TRIM36: variants seen among roughly 807,000 people sequenced by gnomAD.
The protein encoded by TRIM36 is tripartite motif containing 36, also known as E3 ubiquitin-protein ligase TRIM36.
TRIM36 carries 42 observed loss-of-function variants against 72.4 expected under a neutral mutation model. That is an observed-to-expected ratio of 0.58 (90% confidence interval 0.45 to 0.75). The LOEUF is 0.75. Among genes scored for constraint, TRIM36 ranks in the 30% least tolerant of loss-of-function variants. The pLI is 0.00. For missense variants in TRIM36, 913 were observed against 857.1 expected, an observed-to-expected ratio of 1.07 and a Z score of -0.81; for synonymous variants, 315 against 282.8, an observed-to-expected ratio of 1.11 and a Z score of -1.14.
rs371262460 is a variant in TRIM36 at position 115,125,342 on chromosome 5, T to A, written c.*1161A>T. The stretch of plus-strand genomic sequence containing the variant: ...CACAATTTAGATAGAATGTAATTCC[T>A]CAAATTAAAAGATATTTTAAAGGGT... On this transcript the variant is annotated 3_prime_UTR_variant, in exon 10 of 10. Coordinates refer to ENST00000513154, the MANE Select transcript of TRIM36 (RefSeq NM_001300759.2). 1 of 152,142 alleles carries A rather than the reference T, an allele frequency of 6.6e-6. No homozygotes were observed. The highest frequency in any genetic ancestry group is 2.4e-5 in the African/African-American group (1 of 41,462). The allele number at this position is 152,142 out of a possible 1,614,324, so 9.4% of individuals were successfully genotyped here.
upstream of TRIM36, among the ~76,000 whole-genome samples, chr5:115,171,609 T>C (rs923360185): frequency 1.2e-4 from 18 of 152,198 alleles, no homozygotes; most frequent in Non-Finnish European, 1.9e-4. Context: ...CCAAAACTTA[T>C]TAGTTGACAC....
Position 115,130,623 on chromosome 5 carries a change from G to A in TRIM36, c.1765C>T (p.Leu589Phe). 1 of 1,614,168 alleles carries A rather than the reference G, an allele frequency of 6.2e-7. No homozygotes were observed. The highest frequency in any genetic ancestry group is 8.5e-7 in the Non-Finnish European group (1 of 1,180,016). Reference sequence around the variant, plus strand: ...CTAACTGCATCCCGGGGAGAACGGAGCCATTCTTGTAGTTTATCGCTAGAA... The same window carrying A: ...CTAACTGCATCCCGGGGAGAACGGAACCATTCTTGTAGTTTATCGCTAGAA... ...VASSDKLQEW[L>F]RSPRDAVSPR... The change falls in exon 9 of 10, where the codon CTC (leucine) becomes TTC (phenylalanine). Residue 589 changes from leucine (L) to phenylalanine (F), a missense_variant. By Grantham distance (22) the Leu-to-Phe change is conservative. Transcript: ENST00000513154.
chr5:115,150,147 G>C (rs1753812204), intron 2 of TRIM36, among the ~76,000 whole-genome samples: 1 of 152,126 alleles, frequency 6.6e-6, no homozygotes, highest in Admixed American at 6.5e-5. Flanking sequence ...AAAACAAACA[G>C]TAGATGTTCA....
upstream of TRIM36, among the ~76,000 whole-genome samples, chr5:115,170,758 A>G (rs1056408540): frequency 1.3e-5 from 2 of 152,192 alleles, no homozygotes; most frequent in Non-Finnish European, 2.9e-5. Flanking sequence ...GGCCGCGGCA[A>G]GGGAGAGACC....
chr5:115,141,305 G>C lies in TRIM36; in HGVS notation c.805C>G (p.Leu269Val). The change falls in exon 5 of 10, where the codon CTA becomes GTA. Residue 269 changes from leucine (L) to valine (V), a missense_variant. By Grantham distance (32) the Leu-to-Val change is conservative (BLOSUM62 1). Coordinates refer to ENST00000513154, the MANE Select transcript of TRIM36 (RefSeq NM_001300759.2). The stretch of plus-strand genomic sequence containing the variant: ...TCTGTTTCTTTCATTAACAAGTTTA[G>C]TTCAGATATTTGACTCTTCACCTGG... ...ESQVKSQISE[L>V]NLLMKETECN... The C allele has an allele frequency of 1.2e-6, 2 of 1,601,920 alleles. No homozygotes were observed. The highest frequency in any genetic ancestry group is 1.7e-6 in the Non-Finnish European group (2 of 1,176,444).
chr5:115,147,828 G>C (rs1361625791), intron 2 of TRIM36, among the ~76,000 whole-genome samples: 1 of 152,092 alleles, frequency 6.6e-6, no homozygotes, highest in African/African-American at 2.4e-5. Context: ...AAAGAGCAGG[G>C]GTCCCTAGCA....
In TRIM36 at chr5:115,169,472, GGAAGC is replaced by G. The variant is rs984464601; in HGVS notation, c.27+131_27+135del. 8 of 971,636 alleles carry G rather than the reference GGAAGC, an allele frequency of 8.2e-6. No homozygotes were observed. The African/African-American group carries it at 1.3e-4, about 16-fold the overall frequency. 60.2% of individuals were successfully genotyped at this position (971,636 alleles called of 1,614,324 possible). A position where few individuals can be genotyped will look rare whatever the true frequency, so the allele number is the denominator to read the frequency against. On this transcript the variant is annotated intron_variant, in intron 1 of 9. Transcript: ENST00000513154. ...AGCCCCGGGCGGGAGAAGGCGAAGA[GGAAGC>G]GGGATCCCCACACGCCTGCCTTTGC...
At chr5:115,179,598 C>T (rs1243954927) in intron 1 of TRIM36, among the ~76,000 whole-genome samples, 1 of 152,232 alleles carries the variant, frequency 6.6e-6, no homozygotes, top group South Asian at 2.1e-4. Flanking sequence ...GGCGAGGTCA[C>T]CCACTCGAAG....
chr5:115,147,678 AAAC>A (rs1230214076), intron 2 of TRIM36, among the ~76,000 whole-genome samples: 1 of 152,226 alleles, frequency 6.6e-6, no homozygotes, highest in African/African-American at 2.4e-5. Flanking sequence ...TATAAAGATA[AAAC>A]ACGTAATACA....
chr5:115,178,282 T>C (rs983994319), intron 1 of TRIM36, among the ~76,000 whole-genome samples: 19 of 152,194 alleles, frequency 1.2e-4, no homozygotes, highest in Admixed American at 5.9e-4. Flanking sequence ...CTCCATCCTA[T>C]CAAGAGTAGT....
rs1052227084 is a variant in TRIM36, at chr5:115,140,623, C to T, written c.831+656G>A. 3.3e-5 allele frequency among the ~76,000 whole-genome samples: 5 copies of T among 152,154 alleles called. 1 individual carries two copies. The South Asian group carries it at 1.0e-3, about 32-fold the overall frequency. ...ACTCTAACATCATCATCTAGTTTCACCTTTTTTGGTACTTTTTAGAAATGT... is the reference window on the plus strand; with the variant it reads ...ACTCTAACATCATCATCTAGTTTCATCTTTTTTGGTACTTTTTAGAAATGT... On this transcript the variant is annotated intron_variant, in intron 5 of 9. Coordinates refer to ENST00000513154, the MANE Select transcript of TRIM36 (RefSeq NM_001300759.2).
At position 115,130,909 on chromosome 5, in the gene TRIM36, A is replaced by G; in HGVS notation, c.1499-20T>C. 1.9e-6 allele frequency: 3 copies of G among 1,590,554 alleles called. No individual in the cohort carries two copies. Among genetic ancestry groups the G allele is most frequent in the Non-Finnish European group, 2.6e-6 (3 of 1,168,350 alleles). ...TGAAAACTAAATGGAGCTTAAAATT[A>G]ATATCAGGCTAAAAATTATCATTGC... On this transcript the variant is annotated intron_variant, in intron 8 of 9. Transcript: ENST00000513154.
intron 9 of TRIM36, 94 bp from the exon 10 acceptor site, chr5:115,126,951 A>T: frequency 8.0e-7 from 1 of 1,252,704 alleles, no homozygotes; most frequent in Non-Finnish European, 1.1e-6. Context: ...TGTAAAGTTA[A>T]AATAGTTTTT....
intron 2 of TRIM36, among the ~76,000 whole-genome samples, chr5:115,153,492 C>A (rs1295586148): frequency 6.6e-6 from 1 of 152,070 alleles, no homozygotes; most frequent in Non-Finnish European, 1.5e-5. Flanking sequence ...AGAGAGAAAG[C>A]CAACAAAGAA....
At chr5:115,163,122 T>C (rs1580699011) in intron 2 of TRIM36, among the ~76,000 whole-genome samples, 1 of 151,986 alleles carries the variant, frequency 6.6e-6, no homozygotes, top group East Asian at 1.9e-4. Flanking sequence ...CACACCTAGC[T>C]CATTTTGTAT....
At chr5:115,160,082 G>C (rs906496009) in intron 2 of TRIM36, among the ~76,000 whole-genome samples, 2 of 151,020 alleles carry the variant, frequency 1.3e-5, no homozygotes, top group African/African-American at 4.9e-5. Flanking sequence ...ATACAAACTG[G>C]GGGGAAAGCT....
intron 5 of TRIM36, among the ~76,000 whole-genome samples, chr5:115,139,415 C>G (rs1204767647): frequency 6.6e-6 from 1 of 152,246 alleles, no homozygotes; most frequent in East Asian, 1.9e-4. Flanking sequence ...GCCATTAAGC[C>G]TGGCTAAGAA....
At chr5:115,141,463 C>T (rs1230740075) in intron 4 of TRIM36, 89 bp from the exon 5 acceptor site, 3 of 672,226 alleles carry the variant, frequency 4.5e-6, no homozygotes, top group Non-Finnish European at 4.8e-6. Flanking sequence ...CAGGACTCAT[C>T]CTCTTCTACA....
chr5:115,137,287 AG>A (rs771682193), intron 6 of TRIM36, 75 bp downstream of exon 6: 2 of 1,528,170 alleles, frequency 1.3e-6, no homozygotes, highest in Non-Finnish European at 1.8e-6. Context: ...GACCAATCAG[AG>A]CTAAAGTGAG....
Sources: allele counts gnomAD v4.1 joint callset (sites outside exome capture counted in the v4.1 genomes callset), GRCh38; gene constraint gnomAD v4.1.1; transcripts MANE v1.5; gene names NCBI Gene and HGNC (gene_info 2026-07-23, HGNC 2026-07-21).